ZSWIM7: variants seen among roughly 807,000 people sequenced by gnomAD.
The protein encoded by ZSWIM7 is zinc finger SWIM-type containing 7.
Under a neutral mutation model 21.1 loss-of-function variants are expected in ZSWIM7, and 22 were observed. The ratio of observed to expected loss-of-function variants is 1.04; its 90% confidence interval spans 0.74 to 1.49. ZSWIM7 has a LOEUF of 1.49. Among genes scored for constraint, ZSWIM7 ranks in the 40% most tolerant of loss-of-function variants. ZSWIM7 has a pLI of 0.00. For synonymous variants in ZSWIM7, 67 were observed against 66.5 expected (o/e 1.01, Z -0.04); for missense variants, 193 against 168.0 (o/e 1.15, Z -0.82).
Position 15,999,544 on chromosome 17 carries a change from C to T in ZSWIM7, c.51G>A (p.Ala17=), listed in dbSNP as rs774081403. ...TTCGCGCGCTCTCCTGCACCGCCGCCGCCATCTCGCTCAGGAGCTCCTCCA... is the reference window on the plus strand; with the variant it reads ...TTCGCGCGCTCTCCTGCACCGCCGCTGCCATCTCGCTCAGGAGCTCCTCCA... The part of the protein sequence containing the change: ...AVVEELLSEM[A]AAVQESARIP... Residue 17 remains alanine (A), a synonymous_variant, in exon 1 of 5, where the codon GCG becomes GCA. Coordinates refer to ENST00000399277, the MANE Select transcript of ZSWIM7 (RefSeq NM_001042697.2). 21 of 1,599,302 alleles carry T rather than the reference C, an allele frequency of 1.3e-5. No homozygotes were observed. In the African/African-American group the frequency reaches 2.5e-4, roughly 19 times the overall value.
intron 1 of ZSWIM7, among the ~76,000 whole-genome samples, chr17:15,995,715 GAC>G (rs1445982896): frequency 9.2e-5 from 14 of 151,702 alleles, no homozygotes; most frequent in Admixed American, 7.2e-4. Context: ...GACAACAGAG[GAC>G]ATCCAGTAAC....
intron 3 of ZSWIM7, among the ~76,000 whole-genome samples, chr17:15,986,190 C>T (rs1293375431): frequency 1.3e-5 from 2 of 152,140 alleles, no homozygotes; most frequent in African/African-American, 4.8e-5. Context: ...ATTACAGGCA[C>T]CTGCCACCAC....
chr17:15,992,710 A>T (rs1970501735), intron 2 of ZSWIM7, among the ~76,000 whole-genome samples: 1 of 152,044 alleles, frequency 6.6e-6, no homozygotes, highest in South Asian at 2.1e-4. Flanking sequence ...AAATGCTGCG[A>T]TTACAGGCGT....
Position 15,978,089 on chromosome 17 carries a change from C to T in ZSWIM7, c.381G>A (p.Gln127=). 2 of 1,614,158 alleles carry T rather than the reference C, an allele frequency of 1.2e-6. No homozygotes were observed. Among genetic ancestry groups the T allele is most frequent in the Non-Finnish European group, 1.7e-6 (2 of 1,179,978 alleles). Residue 127 remains glutamine (Q), a synonymous_variant, in exon 5 of 5, where the codon CAG becomes CAA. Transcript: ENST00000399277. Reference sequence around the variant, plus strand: ...TCTCCATCAATAATATGTCAGTCAACTGCTTGTCAGAGACACTTAGCTGCT... The same window carrying T: ...TCTCCATCAATAATATGTCAGTCAATTGCTTGTCAGAGACACTTAGCTGCT... ...TCQQLSVSDK[Q]LTDILLMEKK...
chr17:15,977,749 T>C lies in ZSWIM7; in HGVS notation c.*298A>G. On this transcript the variant is annotated 3_prime_UTR_variant, in exon 5 of 5. Transcript: ENST00000399277. Reference sequence around the variant, plus strand: ...AAATAATGTGGACACAACATGATATTAGGCTTTATTTGAATTTAAAATCTT... The same window carrying C: ...AAATAATGTGGACACAACATGATATCAGGCTTTATTTGAATTTAAAATCTT... 1 of 241,552 alleles carries C rather than the reference T, an allele frequency of 4.1e-6. No individual in the cohort carries two copies. The highest frequency in any genetic ancestry group is 2.2e-5 in the African/African-American group (1 of 45,668). The allele number at this position is 241,552 out of a possible 1,614,324, so 15.0% of individuals were successfully genotyped here.
chr17:15,995,298 G>A (rs1307229919), intron 1 of ZSWIM7, among the ~76,000 whole-genome samples: 5 of 149,076 alleles, frequency 3.4e-5, no homozygotes, highest in African/African-American at 5.0e-5. Context: ...ACGGAGTTTC[G>A]CTCTTGTTGC....
chr17:15,980,235 G>C (rs1970339640), intron 4 of ZSWIM7: 1 of 152,618 alleles, frequency 6.6e-6, no homozygotes, highest in South Asian at 2.1e-4. Context: ...ATATTGGCCT[G>C]TACACACCTC....
At chr17:15,978,250 TG>T in intron 4 of ZSWIM7, 87 bp from the exon 5 acceptor site, 1 of 952,864 alleles carries the variant, frequency 1.0e-6, no homozygotes, top group Non-Finnish European at 1.7e-6. Context: ...CCATCTTATT[TG>T]GCAGGAGAAG....
Position 15,999,666 on chromosome 17 carries a change from A to C in ZSWIM7, c.-72T>G. On this transcript the variant is annotated 5_prime_UTR_variant, in exon 1 of 5. Transcript: ENST00000399277. ...TCCAGCTGACTGCGCCTACCTGTGG[A>C]GGATCCTGACCCCCCGCCGGGGCAG... 1 of 1,562,448 alleles carries C rather than the reference A, an allele frequency of 6.4e-7. No homozygotes were observed. Among genetic ancestry groups the C allele is most frequent in the Non-Finnish European group, 8.7e-7 (1 of 1,154,436 alleles).
At position 15,999,610 on chromosome 17, in the gene ZSWIM7, GC is replaced by G; in HGVS notation, c.-17del. 10 of 1,568,362 alleles carry G rather than the reference GC, an allele frequency of 6.4e-6. No individual in the cohort carries two copies. The highest frequency in any genetic ancestry group is 8.6e-6 in the Non-Finnish European group (10 of 1,158,266). ...CTACGGCCATCGCGCCGCAGGACAC[GC>G]CCTCCACGACCGGCGGACCGCCGCG... is the stretch of plus-strand genomic sequence containing the variant. On this transcript the variant is annotated 5_prime_UTR_variant, in exon 1 of 5. Coordinates refer to ENST00000399277, the MANE Select transcript of ZSWIM7 (RefSeq NM_001042697.2).
At chr17:15,979,623 C>T (rs1391194638) in intron 4 of ZSWIM7, among the ~76,000 whole-genome samples, 1 of 141,442 alleles carries the variant, frequency 7.1e-6, no homozygotes, top group Admixed American at 6.9e-5. Context: ...GGGGGCTGAC[C>T]CCCCCACCTC....
In ZSWIM7 at chr17:15,999,674, G is replaced by A; in HGVS notation, c.-80C>T. On this transcript the variant is annotated 5_prime_UTR_variant, in exon 1 of 5. Coordinates refer to ENST00000399277, the MANE Select transcript of ZSWIM7 (RefSeq NM_001042697.2). ...ACTGCGCCTACCTGTGGAGGATCCT[G>A]ACCCCCCGCCGGGGCAGGGCGAGAC... 6.4e-7 allele frequency: 1 copy of A among 1,560,392 alleles called. No homozygotes were observed. Among genetic ancestry groups the A allele is most frequent in the Non-Finnish European group, 8.7e-7 (1 of 1,153,206 alleles).
At chr17:15,990,354 T>C (rs1970467393) in intron 2 of ZSWIM7, among the ~76,000 whole-genome samples, 1 of 152,138 alleles carries the variant, frequency 6.6e-6, no homozygotes, top group East Asian at 1.9e-4. Flanking sequence ...TTATTATTAT[T>C]ATTATTACTG....
At position 15,977,948 on chromosome 17, in the gene ZSWIM7, G is replaced by T; in HGVS notation, c.*99C>A. The T allele has an allele frequency of 2.0e-6, 2 of 983,006 alleles. No individual in the cohort carries two copies. Among genetic ancestry groups the T allele is most frequent in the South Asian group, 1.4e-5 (1 of 71,422 alleles). 60.9% of individuals were successfully genotyped at this position (983,006 alleles called of 1,614,324 possible). ...AAAGGGACAGTAACATGAAGTGTCTGAAGATCCATTTCACCTCTTTTCCAT... is the reference window on the plus strand; with the variant it reads ...AAAGGGACAGTAACATGAAGTGTCTTAAGATCCATTTCACCTCTTTTCCAT... On this transcript the variant is annotated 3_prime_UTR_variant, in exon 5 of 5. Coordinates refer to ENST00000399277, the MANE Select transcript of ZSWIM7 (RefSeq NM_001042697.2).
At chr17:15,979,634 C>T (rs1970325337) in intron 4 of ZSWIM7, among the ~76,000 whole-genome samples, 2 of 140,952 alleles carry the variant, frequency 1.4e-5, no homozygotes, top group Admixed American at 1.4e-4. Flanking sequence ...CCCCCACCTC[C>T]CTCCCGGACG....
intron 4 of ZSWIM7, 113 bp downstream of exon 4, chr17:15,980,927 C>A: frequency 1.4e-6 from 1 of 702,390 alleles, no homozygotes; most frequent in East Asian, 2.9e-5. Context: ...AAAAAACTAC[C>A]ATTTGTTTCA....
chr17:15,999,172 C>T (rs548576222), intron 1 of ZSWIM7, among the ~76,000 whole-genome samples: 1 of 152,296 alleles, frequency 6.6e-6, no homozygotes, highest in Admixed American at 6.5e-5. Context: ...GTTTCTATCA[C>T]TCACTGTAGG....
At chr17:15,995,798 T>C (rs1293454577) in intron 1 of ZSWIM7, among the ~76,000 whole-genome samples, 1 of 151,778 alleles carries the variant, frequency 6.6e-6, no homozygotes, top group Non-Finnish European at 1.5e-5. Context: ...TAATTCAAAA[T>C]TCCCCACAGC....
chr17:15,988,494 T>G (rs553823018), intron 2 of ZSWIM7, among the ~76,000 whole-genome samples: 2 of 152,248 alleles, frequency 1.3e-5, no homozygotes, highest in African/African-American at 2.4e-5. Context: ...ATGTTCATTT[T>G]CAACTTTAAT....
Sources: gnomAD v4.1 joint callset for allele counts (sites outside exome capture counted in the v4.1 genomes callset) on GRCh38, gnomAD v4.1.1 for gene constraint, MANE v1.5 for transcripts, NCBI Gene and HGNC (gene_info 2026-07-23, HGNC 2026-07-21) for gene names.